The following COL11A1 variants were observed in gnomAD, a reference collection of about 807,000 sequenced individuals.
COL11A1 encodes the protein collagen type XI alpha 1 chain.
In COL11A1, 74 loss-of-function variants were observed where a neutral mutation model predicts 265.2. The ratio of observed to expected loss-of-function variants is 0.28; its 90% CI spans 0.23 to 0.34. The LOEUF (loss-of-function observed/expected upper bound fraction) is 0.34, where lower values mean the gene tolerates loss of function less well. COL11A1 is among the 10% of genes least tolerant of loss of function. The pLI, the probability that COL11A1 is intolerant of heterozygous loss-of-function variation, is 1.00. For synonymous variants in COL11A1, 816 were observed against 727.6 expected (o/e 1.12, Z -1.96); for missense variants, 2,165 against 2,263.6 (o/e 0.96, Z 0.88).
chr1:103,011,326 A>G (rs1203517803), intron 14 of COL11A1, among the ~76,000 whole-genome samples: 1 of 152,184 alleles, frequency 6.6e-6, no homozygotes, highest in Non-Finnish European at 1.5e-5. Context: ...TTGGAAAGGC[A>G]AAGCATGATA....
rs186374635 is a variant in COL11A1 at position 102,912,532 on chromosome 1, G to T, written c.4033-320C>A. ...GGCATGCTAATTAATATAATCATAT[G>T]GTTAATAATTCTGCTCATATCACAT... On this transcript the variant is annotated intron_variant, in intron 53 of 66. Coordinates refer to ENST00000370096, the MANE Select transcript of COL11A1 (RefSeq NM_001854.4). 2.6e-3 allele frequency among the ~76,000 whole-genome samples: 393 copies of T among 152,236 alleles called. 2 individuals carry two copies. The highest frequency in any genetic ancestry group is 6.2e-3 in the Admixed American group (95 of 15,284).
At chr1:102,936,453 G>A (rs570613658) in intron 44 of COL11A1, among the ~76,000 whole-genome samples, 50 of 152,078 alleles carry the variant, frequency 3.3e-4, no homozygotes, top group African/African-American at 1.2e-3. Flanking sequence ...TATGATTTTG[G>A]CAGATGTTAT....
intron 1 of COL11A1, among the ~76,000 whole-genome samples, chr1:103,084,126 T>C (rs1183020870): frequency 6.6e-6 from 1 of 152,224 alleles, no homozygotes; most frequent in Middle Eastern, 3.2e-3. Context: ...TTTTAGATTT[T>C]TTAAGTGTAC....
chr1:102,926,299 T>C (rs1656592078), intron 46 of COL11A1, among the ~76,000 whole-genome samples: 1 of 152,082 alleles, frequency 6.6e-6, no homozygotes, highest in African/African-American at 2.4e-5. Context: ...TCTGTCAATT[T>C]AAAATCATTG....
At chr1:103,050,597 A>C (rs893480838) in intron 4 of COL11A1, among the ~76,000 whole-genome samples, 2 of 152,054 alleles carry the variant, frequency 1.3e-5, no homozygotes, top group Non-Finnish European at 2.9e-5. Context: ...TTCTTCTCTC[A>C]ACTCGTCAAA....
rs199535035 is a variant in COL11A1 at position 103,052,198 on chromosome 1, TC to T, written c.652-20955del. 2.0e-5 allele frequency among the ~76,000 whole-genome samples: 3 copies of T among 152,262 alleles called. No homozygotes were observed. The South Asian group carries it at 6.2e-4, about 32-fold the overall frequency. On this transcript the variant is annotated intron_variant, in intron 4 of 66. Transcript: ENST00000370096. ...AACCAATATTCAACAATTCATGTTT[TC>T]TTTTTTTTAAGTCAGATTCTTCCAA...
At chr1:103,058,606 C>T (rs1670415454) in intron 4 of COL11A1, among the ~76,000 whole-genome samples, 1 of 152,042 alleles carries the variant, frequency 6.6e-6, no homozygotes, top group South Asian at 2.1e-4. Context: ...TCTTCCTTTC[C>T]CTTGAACACA....
At chr1:103,033,289 T>C (rs1172683348) in intron 4 of COL11A1, among the ~76,000 whole-genome samples, 1 of 152,094 alleles carries the variant, frequency 6.6e-6, no homozygotes, top group African/African-American at 2.4e-5. Flanking sequence ...CTACGTTTTC[T>C]GCCTTTGTAT....
At chr1:102,927,678 A>ACTTTGGGAGGCTG in intron 46 of COL11A1, among the ~76,000 whole-genome samples, 1 of 152,000 alleles carries the variant, frequency 6.6e-6, no homozygotes, top group Non-Finnish European at 1.5e-5. Context: ...CCCAGAATAG[A>ACTTTGGGAGGCTG]AGGTATCTGT....
rs924616217 is a variant in COL11A1, at chr1:102,923,509, A to G, written c.3601-120T>C. ...AATAAGTACATGGAAATTAAGATTC[A>G]GATACTAACATTTGTTAAAATACCT... On this transcript the variant is annotated intron_variant, in intron 46 of 66. Coordinates refer to ENST00000370096, the MANE Select transcript of COL11A1 (RefSeq NM_001854.4). The G allele has an allele frequency of 6.7e-6, 5 of 747,058 alleles. No individual in the cohort carries two copies. In the African/African-American group the frequency reaches 7.1e-5, roughly 11 times the overall value. The allele number at this position is 747,058 out of a possible 1,614,324, so 46.3% of individuals were successfully genotyped here.
chr1:102,946,745 G>T, intron 42 of COL11A1, 104 bp downstream of exon 42: 1 of 892,850 alleles, frequency 1.1e-6, no homozygotes, highest in African/African-American at 1.6e-5. Context: ...AGACACATAT[G>T]CAGAGAGAAT....
intron 52 of COL11A1, 52 bp downstream of exon 52, chr1:102,914,300 A>T: frequency 1.4e-6 from 2 of 1,393,810 alleles, no homozygotes; most frequent in Admixed American, 1.7e-5. Context: ...ACAATACAGA[A>T]ATTGGAAACA....
chr1:102,962,503 A>G, intron 39 of COL11A1, 150 bp downstream of exon 39: 1 of 790,328 alleles, frequency 1.3e-6, no homozygotes, highest in African/African-American at 1.7e-5. Context: ...AATGTTGAGC[A>G]ATATCTTGGA....
At chr1:103,033,926 A>C (rs1287692596) in intron 4 of COL11A1, among the ~76,000 whole-genome samples, 2 of 152,074 alleles carry the variant, frequency 1.3e-5, no homozygotes, top group Non-Finnish European at 2.9e-5. Flanking sequence ...ATGCCACTGC[A>C]CCTGGCTGTT....
At chr1:103,044,135 CT>C (rs77772632) in intron 4 of COL11A1, among the ~76,000 whole-genome samples, 20,716 of 149,980 alleles carry the variant, frequency 0.14, 1,524 homozygotes, top group African/African-American at 0.15. Context: ...ACTTAGAATT[CT>C]GAATTTGCCA....
chr1:103,068,274 G>A (rs1361222663), intron 4 of COL11A1, among the ~76,000 whole-genome samples: 6 of 151,438 alleles, frequency 4.0e-5, no homozygotes, highest in African/African-American at 1.5e-4. Context: ...ACACCTTTAA[G>A]GAATGCAAAG....
intron 54 of COL11A1, among the ~76,000 whole-genome samples, chr1:102,900,146 T>C (rs1553196859): frequency 6.6e-6 from 1 of 152,156 alleles, no homozygotes; most frequent in Non-Finnish European, 1.5e-5. Context: ...TCATTAGTAA[T>C]GATTTTCTCA....
chr1:103,004,776 C>T, intron 18 of COL11A1, 115 bp from the exon 19 acceptor site: 1 of 869,926 alleles, frequency 1.1e-6, no homozygotes, highest in Non-Finnish European at 1.8e-6. Flanking sequence ...AAAATATATG[C>T]TTTATTTACC....
At chr1:102,995,639 A>G (rs1664554097) in intron 28 of COL11A1, among the ~76,000 whole-genome samples, 2 of 152,172 alleles carry the variant, frequency 1.3e-5, no homozygotes, top group South Asian at 4.1e-4. Context: ...TGCAGAATTA[A>G]TTCTCTTAGG....
Sources: gnomAD v4.1 joint callset for allele counts (sites outside exome capture counted in the v4.1 genomes callset) on GRCh38, gnomAD v4.1.1 for gene constraint, MANE v1.5 for transcripts, NCBI Gene and HGNC (gene_info 2026-07-23, HGNC 2026-07-21) for gene names.